The following PTK2B variants were observed in gnomAD, a reference collection of about 807,000 sequenced individuals.
PTK2B encodes protein tyrosine kinase 2 beta.
Under a neutral mutation model 142.9 loss-of-function variants are expected in PTK2B, and 71 were observed. That is an observed-to-expected ratio of 0.50 (90% CI 0.41 to 0.61). The LOEUF is 0.61. PTK2B is among the 20% of genes least tolerant of loss of function. The pLI, the probability that PTK2B is intolerant of heterozygous loss-of-function variation, is 0.00. For missense variants in PTK2B, 1,105 were observed against 1,320.4 expected, an observed-to-expected ratio of 0.84 and a Z score of 2.53; for synonymous variants, 519 against 503.4, an observed-to-expected ratio of 1.03 and a Z score of -0.42.
chr8:27,343,016 G>T (rs1369876033), intron 1 of PTK2B, among the ~76,000 whole-genome samples: 1 of 152,190 alleles, frequency 6.6e-6, no homozygotes, highest in African/African-American at 2.4e-5. Flanking sequence ...CCCCTGAGCT[G>T]ATGTGGCCGA....
chr8:27,441,285 G>A (rs1403984194), intron 21 of PTK2B, among the ~76,000 whole-genome samples: 2 of 151,990 alleles, frequency 1.3e-5, no homozygotes, highest in African/African-American at 4.8e-5. Flanking sequence ...AATATTTTTT[G>A]TCTTTTAATT....
chr8:27,352,474 G>A (rs368488947), intron 1 of PTK2B, among the ~76,000 whole-genome samples: 4 of 152,152 alleles, frequency 2.6e-5, no homozygotes, highest in African/African-American at 4.8e-5. Flanking sequence ...AGGGGTGGAG[G>A]GGGGGCGGTC....
At chr8:27,328,580 A>G in intron 1 of PTK2B, among the ~76,000 whole-genome samples, 1 of 152,202 alleles carries the variant, frequency 6.6e-6, no homozygotes, top group African/African-American at 2.4e-5. Flanking sequence ...TTGTTTGCCC[A>G]GGTGGTGTTG....
At chr8:27,400,551 G>C (rs1277920328) in intron 2 of PTK2B, among the ~76,000 whole-genome samples, 2 of 152,048 alleles carry the variant, frequency 1.3e-5, no homozygotes, top group African/African-American at 4.8e-5. Context: ...ATGGTGTTGG[G>C]AATAGAGATA....
At chr8:27,388,834 G>A (rs1005517158) in intron 1 of PTK2B, among the ~76,000 whole-genome samples, 3 of 152,214 alleles carry the variant, frequency 2.0e-5, no homozygotes, top group African/African-American at 7.2e-5. Flanking sequence ...GCTCACACCT[G>A]TGCTGTATCC....
chr8:27,373,004 A>G (rs1482311422), intron 1 of PTK2B, among the ~76,000 whole-genome samples: 1 of 152,130 alleles, frequency 6.6e-6, no homozygotes, highest in East Asian at 1.9e-4. Flanking sequence ...TCAAGCATCC[A>G]TTCTCATAAG....
In PTK2B at chr8:27,435,685, C is replaced by T. The variant is rs1810726610; in HGVS notation, c.1193-58C>T. The T allele has an allele frequency of 4.4e-6, 7 of 1,593,006 alleles. No homozygotes were observed. The South Asian group carries it at 7.7e-5, about 18-fold the overall frequency. On this transcript the variant is annotated intron_variant, in intron 13 of 30. Coordinates refer to ENST00000346049, the MANE Select transcript of PTK2B (RefSeq NM_173176.3). ...CAGCAGGGAGCCCCACACCTGATTC[C>T]TGGCGGTGCCCACCAAGGGCATCTT...
At position 27,454,152 on chromosome 8, in the gene PTK2B, A is replaced by G; in HGVS notation, c.2596-2A>G. 6.2e-7 allele frequency: 1 copy of G among 1,613,986 alleles called. No individual in the cohort carries two copies. The highest frequency in any genetic ancestry group is 8.5e-7 in the Non-Finnish European group (1 of 1,179,974). ...CACTGGCCACCTGCGTCTTCCCCTC[A>G]GTCCATCCAGCCCACAGCTAACCTG... On this transcript the variant is annotated splice_acceptor_variant, in intron 28 of 30. Coordinates refer to ENST00000346049, the MANE Select transcript of PTK2B (RefSeq NM_173176.3). LOFTEE classifies it high-confidence loss of function.
intron 18 of PTK2B, 62 bp downstream of exon 18, chr8:27,437,942 T>C: frequency 1.4e-6 from 2 of 1,407,750 alleles, no homozygotes; most frequent in South Asian, 1.2e-5. Context: ...CCTCAAGGCC[T>C]CTGGGTAGAA....
intron 24 of PTK2B, 112 bp downstream of exon 24, chr8:27,446,031 C>G: frequency 6.8e-7 from 1 of 1,460,374 alleles, no homozygotes; most frequent in Non-Finnish European, 9.3e-7. Flanking sequence ...CCTTCCTGTT[C>G]CCATGCACCA....
At chr8:27,370,694 G>C (rs1040863505) in intron 1 of PTK2B, among the ~76,000 whole-genome samples, 2 of 152,188 alleles carry the variant, frequency 1.3e-5, no homozygotes, top group Non-Finnish European at 2.9e-5. Context: ...GTTGCCTCAC[G>C]ACCTTCTACC....
chr8:27,393,802 T>A (rs1807869967), intron 1 of PTK2B, among the ~76,000 whole-genome samples: 1 of 151,612 alleles, frequency 6.6e-6, no homozygotes, highest in African/African-American at 2.4e-5. Context: ...CCCCCCAGAG[T>A]GGCGCATTTG....
intron 2 of PTK2B, among the ~76,000 whole-genome samples, chr8:27,401,891 GTGATGA>G (rs1287680924): frequency 1.3e-5 from 2 of 152,004 alleles, no homozygotes; most frequent in Non-Finnish European, 2.9e-5. Flanking sequence ...GATGGTGATG[GTGATGA>G]TGATGGTGAT....
intron 1 of PTK2B, among the ~76,000 whole-genome samples, chr8:27,393,774 C>A (rs1441043651): frequency 1.3e-5 from 2 of 152,102 alleles, no homozygotes; most frequent in African/African-American, 2.4e-5. Context: ...CCGCTTCCCC[C>A]ACTATCAACA....
chr8:27,437,585 G>A, intron 17 of PTK2B, 89 bp downstream of exon 17: 1 of 1,286,986 alleles, frequency 7.8e-7, no homozygotes, highest in Non-Finnish European at 1.1e-6. Context: ...CCTGACTTCT[G>A]TGTTCCACTG....
At position 27,458,484 on chromosome 8, in the gene PTK2B, A is replaced by G. The variant is rs1563311172; in HGVS notation, c.3005A>G (p.Asn1002Ser). The change falls in exon 31 of 31, where the codon AAT becomes AGT. Residue 1002 changes from asparagine to serine, a missense_variant. Transcript: ENST00000346049. ...DAVDQAKVLA[N>S]LAHPPAE ...GTGGACCAGGCCAAGGTTCTGGCCA[A>G]TCTGGCCCACCCACCTGCAGAGTGA... 3.2e-6 allele frequency: 5 copies of G among 1,585,252 alleles called. No homozygotes were observed. The highest frequency in any genetic ancestry group is 2.3e-5 in the South Asian group (2 of 87,504).
chr8:27,400,136 A>G (rs1808284360), intron 2 of PTK2B, among the ~76,000 whole-genome samples: 1 of 152,210 alleles, frequency 6.6e-6, no homozygotes, highest in Admixed American at 6.5e-5. Flanking sequence ...TTTGTGTTCT[A>G]AAACAACAAC....
chr8:27,434,412 CT>C, intron 12 of PTK2B, 100 bp from the exon 13 acceptor site: 1 of 1,341,690 alleles, frequency 7.5e-7, no homozygotes, highest in Non-Finnish European at 1.0e-6. Context: ...GGACAGACTA[CT>C]TCTCCACAGG....
intron 1 of PTK2B, among the ~76,000 whole-genome samples, chr8:27,340,837 G>A (rs1028855111): frequency 8.5e-5 from 13 of 152,202 alleles, no homozygotes; most frequent in South Asian, 2.1e-4. Context: ...CATGCTGGCC[G>A]CTGGCCAGCA....
Sources: gnomAD v4.1 joint callset for allele counts (sites outside exome capture counted in the v4.1 genomes callset) on GRCh38, gnomAD v4.1.1 for gene constraint, MANE v1.5 for transcripts, NCBI Gene and HGNC (gene_info 2026-07-23, HGNC 2026-07-21) for gene names.